CACHD1: variants seen among roughly 807,000 people sequenced by gnomAD.
The protein encoded by CACHD1 is cache domain containing 1.
CACHD1 carries 71 observed loss-of-function variants against 138.7 expected under a neutral mutation model. That is an observed-to-expected ratio of 0.51 (90% CI 0.42 to 0.62). The LOEUF is 0.62. CACHD1 is among the 20% of genes least tolerant of loss of function. The pLI, the probability that CACHD1 is intolerant of heterozygous loss-of-function variation, is 0.00. For synonymous variants in CACHD1, 578 were observed against 591.5 expected (o/e 0.98, Z 0.33); for missense variants, 1,389 against 1,625.3 (o/e 0.85, Z 2.50).
intron 1 of CACHD1, among the ~76,000 whole-genome samples, chr1:64,489,056 C>T (rs1646259163): frequency 6.6e-6 from 1 of 152,030 alleles, no homozygotes; most frequent in South Asian, 2.1e-4. Context: ...TGATGGATGC[C>T]CATGGGTCAT....
At chr1:64,670,609 A>C (rs889344328) in intron 16 of CACHD1, among the ~76,000 whole-genome samples, 1 of 152,212 alleles carries the variant, frequency 6.6e-6, no homozygotes, top group Admixed American at 6.5e-5. Flanking sequence ...CTTCTGACAC[A>C]CCTAGCAATT....
chr1:64,573,781 T>C (rs945108669), intron 2 of CACHD1, among the ~76,000 whole-genome samples: 2 of 152,214 alleles, frequency 1.3e-5, no homozygotes, highest in African/African-American at 4.8e-5. Context: ...TTTGTGACCT[T>C]GGGCAAGTCA....
intron 7 of CACHD1, among the ~76,000 whole-genome samples, chr1:64,634,753 G>T (rs1246771176): frequency 6.6e-6 from 1 of 152,090 alleles, no homozygotes; most frequent in Non-Finnish European, 1.5e-5. Flanking sequence ...CCAGCACTTT[G>T]GGAGGTCAAG....
intron 4 of CACHD1, among the ~76,000 whole-genome samples, chr1:64,620,994 G>A (rs1317666699): frequency 6.6e-6 from 1 of 151,988 alleles, no homozygotes; most frequent in East Asian, 1.9e-4. Context: ...ACCTTCCACT[G>A]GCCCACTGAT....
intron 1 of CACHD1, among the ~76,000 whole-genome samples, chr1:64,520,713 A>C (rs1646491931): frequency 6.6e-6 from 1 of 152,216 alleles, no homozygotes; most frequent in Non-Finnish European, 1.5e-5. Flanking sequence ...AGCACTGATT[A>C]ACTTCCACAT....
intron 1 of CACHD1, among the ~76,000 whole-genome samples, chr1:64,474,207 C>T (rs1646161478): frequency 6.6e-6 from 1 of 152,196 alleles, no homozygotes; most frequent in South Asian, 2.1e-4. Flanking sequence ...AAAACCTAAT[C>T]ATCATCTCCT....
At chr1:64,593,694 C>T (rs1326106371) in intron 3 of CACHD1, among the ~76,000 whole-genome samples, 1 of 152,128 alleles carries the variant, frequency 6.6e-6, no homozygotes, top group African/African-American at 2.4e-5. Flanking sequence ...ATTATTATTA[C>T]CTGCAGGCCG....
At position 64,527,704 on chromosome 1, in the gene CACHD1, G is replaced by T. The variant is rs563270519; in HGVS notation, c.199-22890G>T. Reference sequence around the variant, plus strand: ...AAGTAAAGCAGATATTACTAACATGGATAATATTGCACTTAATATACAAAT... The same window carrying T: ...AAGTAAAGCAGATATTACTAACATGTATAATATTGCACTTAATATACAAAT... On this transcript the variant is annotated intron_variant, in intron 1 of 26. Transcript: ENST00000651257. 3.9e-5 allele frequency among the ~76,000 whole-genome samples: 6 copies of T among 152,216 alleles called. No individual in the cohort carries two copies. The East Asian group carries it at 7.7e-4, about 20-fold the overall frequency.
At chr1:64,586,709 A>AT (rs539667302) in intron 3 of CACHD1, among the ~76,000 whole-genome samples, 42 of 152,252 alleles carry the variant, frequency 2.8e-4, no homozygotes, top group African/African-American at 9.9e-4. Flanking sequence ...TTACTTCAAT[A>AT]TTTACTATGT....
chr1:64,634,091 C>T lies in CACHD1; in HGVS notation c.837C>T (p.Asp279=), dbSNP rs1022855739. The T allele has an allele frequency of 4.3e-6, 7 of 1,612,680 alleles. No homozygotes were observed. The African/African-American group carries it at 6.7e-5, about 15-fold the overall frequency. Residue 279 remains aspartate, a synonymous_variant, in exon 7 of 27, where the codon GAC becomes GAT. Transcript: ENST00000651257. ...ATACCGTCCGGACTTGCTCACTAGA[C>T]CAGTGCTATAAGACCTTCTTGTCTC... ...VADTVRTCSL[D]QCYKTFLSPA... is the part of the protein sequence containing the mutation.
intron 5 of CACHD1, 26 bp from the exon 6 acceptor site, chr1:64,632,573 C>A (rs1446927270): frequency 4.3e-6 from 7 of 1,612,658 alleles, no homozygotes; most frequent in Non-Finnish European, 5.9e-6. Flanking sequence ...CCAAGACTGA[C>A]CCCAGAGAGC....
chr1:64,645,124 A>G (rs897001122), intron 8 of CACHD1, among the ~76,000 whole-genome samples: 13 of 152,118 alleles, frequency 8.5e-5, no homozygotes, highest in Non-Finnish European at 1.6e-4. Context: ...AAACACTTGA[A>G]CTACAGGAGA....
intron 1 of CACHD1, among the ~76,000 whole-genome samples, chr1:64,472,071 G>A (rs1646148691): frequency 6.6e-6 from 1 of 152,168 alleles, no homozygotes; most frequent in African/African-American, 2.4e-5. Context: ...AAGTTTCCAA[G>A]AATGCGTTCT....
intron 1 of CACHD1, among the ~76,000 whole-genome samples, chr1:64,514,712 C>CT (rs1459079610): frequency 3.3e-5 from 5 of 152,186 alleles, no homozygotes; most frequent in African/African-American, 4.8e-5. Context: ...GTCTGACAGT[C>CT]TAACTCAGTG....
At chr1:64,526,706 A>T (rs1419580650) in intron 1 of CACHD1, among the ~76,000 whole-genome samples, 2 of 152,212 alleles carry the variant, frequency 1.3e-5, no homozygotes, top group Non-Finnish European at 2.9e-5. Context: ...TTTCCCTGTA[A>T]GTCAGAAACC....
intron 1 of CACHD1, among the ~76,000 whole-genome samples, chr1:64,500,007 G>T (rs1248338693): frequency 6.6e-6 from 1 of 152,168 alleles, no homozygotes; most frequent in Admixed American, 6.5e-5. Context: ...TTATTTCAGT[G>T]ATTCTACACA....
chr1:64,564,520 A>G (rs949384164), intron 2 of CACHD1, among the ~76,000 whole-genome samples: 1 of 152,204 alleles, frequency 6.6e-6, no homozygotes, highest in Non-Finnish European at 1.5e-5. Flanking sequence ...AAATATTTAC[A>G]TAAGTCTTTC....
intron 1 of CACHD1, among the ~76,000 whole-genome samples, chr1:64,486,430 T>G (rs552089606): frequency 1.4e-3 from 208 of 151,308 alleles, no homozygotes; most frequent in African/African-American, 4.8e-3. Flanking sequence ...ACACACGTAT[T>G]CAGATGTGTT....
chr1:64,541,887 A>G (rs1440241667), intron 1 of CACHD1, among the ~76,000 whole-genome samples: 1 of 147,522 alleles, frequency 6.8e-6, no homozygotes, highest in Non-Finnish European at 1.5e-5. Flanking sequence ...TGTTCCCCCC[A>G]TACCTCCAAC....
Sources: allele counts gnomAD v4.1 joint callset (sites outside exome capture counted in the v4.1 genomes callset), GRCh38; gene constraint gnomAD v4.1.1; transcripts MANE v1.5; gene names NCBI Gene and HGNC (gene_info 2026-07-23, HGNC 2026-07-21).